Variants in GPR158 observed in about 807,000 individuals in gnomAD.
GPR158 encodes G protein-coupled receptor 158.
Under a neutral mutation model 78.2 loss-of-function variants are expected in GPR158, and 30 were observed. The ratio of observed to expected loss-of-function variants is 0.38; its 90% CI spans 0.29 to 0.52. The LOEUF is 0.52. GPR158 is among the 20% of genes least tolerant of loss of function. The pLI, the probability that GPR158 is intolerant of heterozygous loss-of-function variation, is 0.83. For synonymous variants in GPR158, 581 were observed against 591.1 expected, an observed-to-expected ratio of 0.98 and a Z score of 0.25; for missense variants, 1,463 against 1,523.5, an observed-to-expected ratio of 0.96 and a Z score of 0.66.
intron 6 of GPR158, among the ~76,000 whole-genome samples, chr10:25,566,068 T>C (rs1197334443): frequency 2.6e-5 from 4 of 152,210 alleles, no homozygotes; most frequent in African/African-American, 9.6e-5. Flanking sequence ...TTAGGTTTTA[T>C]CTACTTTATA....
At chr10:25,421,649 T>C (rs1488087691) in intron 4 of GPR158, among the ~76,000 whole-genome samples, 1 of 152,194 alleles carries the variant, frequency 6.6e-6, no homozygotes, top group East Asian at 1.9e-4. Context: ...AAATTAATCT[T>C]AAATCTTATT....
chr10:25,434,111 G>A (rs551004746), intron 4 of GPR158, among the ~76,000 whole-genome samples: 1 of 152,114 alleles, frequency 6.6e-6, no homozygotes, highest in Admixed American at 6.5e-5. Flanking sequence ...GCAGTGAGCC[G>A]AGATGCGCCA....
At chr10:25,252,154 TTCAGCTCCA>T (rs1853812597) in intron 2 of GPR158, among the ~76,000 whole-genome samples, 1 of 152,092 alleles carries the variant, frequency 6.6e-6, no homozygotes, top group South Asian at 2.1e-4. Flanking sequence ...AGCCTTGGTT[TTCAGCTCCA>T]TCAGCTCCTT....
chr10:25,323,140 T>A (rs533697852), intron 2 of GPR158, among the ~76,000 whole-genome samples: 1 of 152,170 alleles, frequency 6.6e-6, no homozygotes, highest in Non-Finnish European at 1.5e-5. Context: ...CCACCGCGCC[T>A]GGCCTCTGAT....
At chr10:25,532,792 G>T (rs1836443776) in intron 5 of GPR158, among the ~76,000 whole-genome samples, 1 of 150,046 alleles carries the variant, frequency 6.7e-6, no homozygotes, top group Middle Eastern at 3.5e-3. Context: ...ATCTCCTTTT[G>T]CCCCTTGCGT....
At chr10:25,316,655 G>A (rs1236356615) in intron 2 of GPR158, among the ~76,000 whole-genome samples, 1 of 152,102 alleles carries the variant, frequency 6.6e-6, no homozygotes, top group Admixed American at 6.6e-5. Flanking sequence ...GAGATATAGT[G>A]CTATCTAATG....
chr10:25,432,315 G>A (rs1300123699), intron 4 of GPR158, among the ~76,000 whole-genome samples: 1 of 152,152 alleles, frequency 6.6e-6, no homozygotes, highest in African/African-American at 2.4e-5. Context: ...TGGTGAAGGT[G>A]TTAGGAACTA....
At chr10:25,569,650 C>T (rs747172219) in intron 6 of GPR158, among the ~76,000 whole-genome samples, 20 of 152,120 alleles carry the variant, frequency 1.3e-4, no homozygotes, top group Non-Finnish European at 2.5e-4. Context: ...CTTGCATTTC[C>T]CTGCTTTTGA....
In GPR158 at chr10:25,309,759, A is replaced by G. The variant is rs150347824; in HGVS notation, c.1009-86152A>G. Among the ~76,000 whole-genome samples the G allele has an allele frequency of 3.3e-5, 5 of 152,148 alleles. No individual in the cohort carries two copies. The East Asian group carries it at 9.7e-4, about 30-fold the overall frequency. ...AAGTCTCATGAGATCTGATGGTTTT[A>G]TAAAGGGGAGTTCCTGTGCACACAC... On this transcript the variant is annotated intron_variant, in intron 2 of 10. Transcript: ENST00000376351.
intron 5 of GPR158, among the ~76,000 whole-genome samples, chr10:25,491,246 C>T (rs917807403): frequency 4.6e-5 from 7 of 152,138 alleles, no homozygotes; most frequent in Non-Finnish European, 1.0e-4. Flanking sequence ...AGCCTCACAA[C>T]CTTCCCAGCA....
intron 2 of GPR158, among the ~76,000 whole-genome samples, chr10:25,296,473 GTCTT>G (rs915747937): frequency 1.6e-5 from 2 of 127,548 alleles, no homozygotes; most frequent in Non-Finnish European, 3.4e-5. Flanking sequence ...TCATCTGTCT[GTCTT>G]TCTATCTATA....
At chr10:25,459,269 G>A (rs1014075475) in intron 4 of GPR158, among the ~76,000 whole-genome samples, 29 of 152,208 alleles carry the variant, frequency 1.9e-4, no homozygotes, top group African/African-American at 5.5e-4. Flanking sequence ...TCATAAGTTT[G>A]TTATCCTGCT....
intron 4 of GPR158, among the ~76,000 whole-genome samples, chr10:25,429,026 C>T (rs748475512): frequency 1.3e-5 from 2 of 151,966 alleles, no homozygotes; most frequent in African/African-American, 4.8e-5. Context: ...GCCAATGGAA[C>T]TGTTCTGTTT....
At chr10:25,299,172 G>A (rs987921050) in intron 2 of GPR158, among the ~76,000 whole-genome samples, 11 of 151,360 alleles carry the variant, frequency 7.3e-5, no homozygotes, top group African/African-American at 2.7e-4. Flanking sequence ...GACATAGATA[G>A]TAAAATGATT....
intron 1 of GPR158, among the ~76,000 whole-genome samples, chr10:25,210,499 G>A (rs542259888): frequency 6.6e-6 from 1 of 152,180 alleles, no homozygotes; most frequent in Non-Finnish European, 1.5e-5. Flanking sequence ...GGTTCCTATA[G>A]CCTCACATTC....
At chr10:25,374,194 C>A (rs992604493) in intron 2 of GPR158, among the ~76,000 whole-genome samples, 1 of 151,336 alleles carries the variant, frequency 6.6e-6, no homozygotes, top group East Asian at 1.9e-4. Context: ...TGCTTTAAAT[C>A]CTTCTTTGTA....
At chr10:25,554,263 A>G (rs1157018391) in intron 6 of GPR158, among the ~76,000 whole-genome samples, 1 of 152,176 alleles carries the variant, frequency 6.6e-6, no homozygotes, top group Non-Finnish European at 1.5e-5. Flanking sequence ...AAAGTAAACC[A>G]TACCTCTCTA....
At chr10:25,486,650 G>A (rs1178713263) in intron 5 of GPR158, among the ~76,000 whole-genome samples, 1 of 152,124 alleles carries the variant, frequency 6.6e-6, no homozygotes, top group East Asian at 1.9e-4. Context: ...CAAAGTTGGA[G>A]AATTTGCATT....
chr10:25,317,912 A>G (rs1373922972), intron 2 of GPR158, among the ~76,000 whole-genome samples: 1 of 151,964 alleles, frequency 6.6e-6, no homozygotes. Context: ...TATTTTTAGT[A>G]GGGACAGGGT....
Sources: gnomAD v4.1 joint callset for allele counts (sites outside exome capture counted in the v4.1 genomes callset) on GRCh38, gnomAD v4.1.1 for gene constraint, MANE v1.5 for transcripts, NCBI Gene and HGNC (gene_info 2026-07-23, HGNC 2026-07-21) for gene names.